GRM5: variants seen among roughly 807,000 people sequenced by gnomAD.
GRM5 encodes metabotropic glutamate receptor 5.
In GRM5, 19 loss-of-function variants were observed where a neutral mutation model predicts 83.1. The observed-to-expected ratio is 0.23, with a 90% confidence interval of 0.16 to 0.34. The LOEUF is 0.34. Among genes scored for constraint, GRM5 ranks in the 10% least tolerant of loss-of-function variants. GRM5 has a pLI of 1.00. For missense variants in GRM5, 1,160 were observed against 1,588.3 expected, an observed-to-expected ratio of 0.73 and a Z score of 4.58; for synonymous variants, 675 against 633.6, an observed-to-expected ratio of 1.07 and a Z score of -0.98.
intron 9 of GRM5, chr11:88,511,838 C>A (rs1941379203): frequency 6.6e-6 from 1 of 152,134 alleles, no homozygotes; most frequent in Non-Finnish European, 1.5e-5. Flanking sequence ...CCAACTACAC[C>A]CTTTCTCCTA....
intron 8 of GRM5, among the ~76,000 whole-genome samples, chr11:88,556,999 A>G (rs1384390940): frequency 1.3e-5 from 2 of 152,174 alleles, no homozygotes; most frequent in Non-Finnish European, 1.5e-5. Flanking sequence ...TTATTTATCA[A>G]CAGTAACAAG....
intron 3 of GRM5, among the ~76,000 whole-genome samples, chr11:88,715,201 T>G (rs1941373582): frequency 1.3e-5 from 2 of 152,014 alleles, no homozygotes; most frequent in African/African-American, 4.8e-5. Context: ...TAATAGATGC[T>G]CAATTAGTAT....
chr11:88,606,859 TA>T (rs35093217), intron 4 of GRM5, among the ~76,000 whole-genome samples: 87 of 145,900 alleles, frequency 6.0e-4, no homozygotes, highest in East Asian at 9.9e-4. Context: ...AGAGTGTGGT[TA>T]AAAAAAAAAT....
rs11021044 is a variant in GRM5, at chr11:88,715,534, C to T, written c.912-62131G>A. On this transcript the variant is annotated intron_variant, in intron 3 of 9. Transcript: ENST00000305447. The stretch of plus-strand genomic sequence containing the variant: ...CTGACCTCCCTGGATTATTCTACAA[C>T]GAAATCCTCCCCTCCTGATCAGTAG... 3.8e-3 allele frequency among the ~76,000 whole-genome samples: 577 copies of T among 152,000 alleles called. 2 individuals are homozygous for T. Among genetic ancestry groups the T allele is most frequent in the African/African-American group, 0.013 (544 of 41,498 alleles).
chr11:89,027,129 C>T (rs893652295), intron 2 of GRM5, among the ~76,000 whole-genome samples: 2 of 151,810 alleles, frequency 1.3e-5, no homozygotes, highest in African/African-American at 2.4e-5. Flanking sequence ...TGGACTCTCC[C>T]TCTGTTGCCA....
chr11:88,522,603 CTGTGTGTGTGTGTGTGTGTG>C (rs55777647), intron 9 of GRM5, among the ~76,000 whole-genome samples: 3 of 127,218 alleles, frequency 2.4e-5, no homozygotes, highest in South Asian at 2.9e-4. Context: ...CTCTCTCTCT[CTGTGTGTGTGTGTGTGTGTG>C]TGTGTGTGTG....
chr11:88,625,568 G>A (rs4323866), intron 4 of GRM5, among the ~76,000 whole-genome samples: 146,128 of 152,106 alleles, frequency 0.96, 70,464 homozygotes, highest in East Asian at 1. Flanking sequence ...AATTGTGGGC[G>A]TGAATAGGCC....
At chr11:88,839,112 T>C (rs1944146414) in intron 3 of GRM5, among the ~76,000 whole-genome samples, 1 of 152,246 alleles carries the variant, frequency 6.6e-6, no homozygotes, top group Non-Finnish European at 1.5e-5. Context: ...CATTTTATAC[T>C]ATTCGTAACC....
chr11:89,065,663 G>C (rs1473286487), intron 1 of GRM5, 113 bp downstream of exon 1: 3 of 152,236 alleles, frequency 2.0e-5, no homozygotes, highest in South Asian at 4.1e-4. Flanking sequence ...TTTAGCCCCA[G>C]CTCCCGCCCC....
intron 3 of GRM5, among the ~76,000 whole-genome samples, chr11:88,667,660 A>G (rs761568057): frequency 3.3e-5 from 5 of 152,074 alleles, no homozygotes; most frequent in Non-Finnish European, 5.9e-5. Flanking sequence ...TTGGGAGGCC[A>G]ATGCAGGCAG....
intron 6 of GRM5, among the ~76,000 whole-genome samples, chr11:88,593,010 G>A (rs1425757168): frequency 1.3e-5 from 2 of 151,988 alleles, no homozygotes; most frequent in Non-Finnish European, 2.9e-5. Flanking sequence ...TGAAGAGATG[G>A]GGTCTCACTA....
intron 6 of GRM5, among the ~76,000 whole-genome samples, chr11:88,593,358 A>G (rs1937695666): frequency 1.3e-5 from 2 of 152,006 alleles, no homozygotes; most frequent in African/African-American, 4.8e-5. Context: ...CTAAGCAAAT[A>G]TTATTACAAA....
intron 2 of GRM5, among the ~76,000 whole-genome samples, chr11:88,943,273 T>G (rs1268207912): frequency 6.6e-6 from 1 of 152,084 alleles, no homozygotes; most frequent in African/African-American, 2.4e-5. Context: ...TTGTGAAGAC[T>G]GTATTCCAGA....
chr11:88,972,569 C>T (rs1301479819), intron 2 of GRM5, among the ~76,000 whole-genome samples: 1 of 152,050 alleles, frequency 6.6e-6, no homozygotes, highest in Non-Finnish European at 1.5e-5. Context: ...GAAGGGAATT[C>T]TTCCAGGCCA....
chr11:88,759,680 T>TTG (rs1289923881), intron 3 of GRM5, among the ~76,000 whole-genome samples: 1 of 151,980 alleles, frequency 6.6e-6, no homozygotes, highest in Non-Finnish European at 1.5e-5. Flanking sequence ...AGGCAGAAAA[T>TTG]TAACAAAGAT....
chr11:89,051,890 C>A (rs1185339591), intron 1 of GRM5, among the ~76,000 whole-genome samples: 1 of 152,140 alleles, frequency 6.6e-6, no homozygotes, highest in Non-Finnish European at 1.5e-5. Flanking sequence ...ATGGTGACTT[C>A]TCTATGATTG....
intron 9 of GRM5, among the ~76,000 whole-genome samples, chr11:88,524,214 C>CTTTCTTTCTTTCTTTCTTTCTTTCT (rs1555060035): frequency 9.9e-6 from 1 of 101,410 alleles, no homozygotes; most frequent in East Asian, 2.7e-4. Context: ...TTCTTTCTTT[C>CTTTCTTTCTTTCTTTCTTTCTTTCT]TTTTTTTTTT....
intron 2 of GRM5, among the ~76,000 whole-genome samples, chr11:88,971,940 G>A (rs1939176648): frequency 6.6e-6 from 1 of 152,060 alleles, no homozygotes; most frequent in African/African-American, 2.4e-5. Context: ...TACTCTAGGG[G>A]CATGTGCAAA....
chr11:88,509,250 T>C lies in GRM5; in HGVS notation c.2981A>G (p.Asp994Gly). The change falls in exon 10 of 10, where the codon GAC becomes GGC. Residue 994 changes from aspartate to glycine, a missense_variant. Asp to Gly is a moderately conservative substitution (Grantham distance 94). Coordinates refer to ENST00000305447, the MANE Select transcript of GRM5 (RefSeq NM_001143831.3). ...GAGPGGPESP[D>G]AGPKALYDVA... The stretch of plus-strand genomic sequence containing the variant: ...ATCATACAGCGCCTTGGGGCCGGCG[T>C]CTGGGGACTCGGGCCCGCCTGGGCC... The C allele has an allele frequency of 6.7e-7, 1 of 1,490,662 alleles. No homozygotes were observed. Among genetic ancestry groups the C allele is most frequent in the Non-Finnish European group, 8.9e-7 (1 of 1,123,562 alleles). 92.3% of individuals were successfully genotyped at this position (1,490,662 alleles called of 1,614,324 possible).
Sources: gnomAD v4.1 joint callset for allele counts (sites outside exome capture counted in the v4.1 genomes callset) on GRCh38, gnomAD v4.1.1 for gene constraint, MANE v1.5 for transcripts, NCBI Gene and HGNC (gene_info 2026-07-23, HGNC 2026-07-21) for gene names.